The following NCOA2 variants were observed in gnomAD, a reference collection of about 807,000 sequenced individuals.
NCOA2 encodes the protein class E basic helix-loop-helix protein 75.
A neutral mutation model predicts 145.1 loss-of-function variants in NCOA2; 21 were observed. That is an observed-to-expected ratio of 0.14 (90% CI 0.10 to 0.21). The LOEUF (loss-of-function observed/expected upper bound fraction) is 0.21. Among genes scored for constraint, NCOA2 ranks in the 10% least tolerant of loss-of-function variants. The probability of loss-of-function intolerance (pLI) is 1.00; values close to 1 mark genes in which losing one functional copy is unlikely to be tolerated. For missense variants in NCOA2, 1,472 were observed against 1,837.6 expected (o/e 0.80, Z 3.64); for synonymous variants, 619 against 637.5 (o/e 0.97, Z 0.44).
chr8:70,162,675 G>A, intron 9 of NCOA2, 36 bp downstream of exon 9: 2 of 1,581,852 alleles, frequency 1.3e-6, no homozygotes, highest in Non-Finnish European at 1.7e-6. Flanking sequence ...CCCACAGGAA[G>A]CAATAATTTA....
chr8:70,353,064 G>C (rs1809382538), intron 1 of NCOA2, among the ~76,000 whole-genome samples: 1 of 130,066 alleles, frequency 7.7e-6, no homozygotes, highest in African/African-American at 2.6e-5. Flanking sequence ...ATATTAGGTT[G>C]TTAGAGCCAA....
At chr8:70,408,794 AT>A (rs1200870531), upstream of NCOA2, among the ~76,000 whole-genome samples, 441 of 86,948 alleles carry the variant, frequency 5.1e-3, 2 homozygotes, top group Middle Eastern at 0.025. Context: ...TTTTTTTTGG[AT>A]TTTTTTTTTT....
intron 2 of NCOA2, among the ~76,000 whole-genome samples, chr8:70,275,724 CAACACAAAG>C (rs1430486533): frequency 8.5e-5 from 13 of 152,082 alleles, no homozygotes; most frequent in African/African-American, 3.1e-4. Flanking sequence ...ATTAGAACAC[CAACACAAAG>C]AACTAGACTC....
the NCOA2 span, among the ~76,000 whole-genome samples, chr8:70,441,218 AAGG>A: frequency 6.6e-6 from 1 of 150,548 alleles, no homozygotes; most frequent in East Asian, 2.0e-4. Context: ...TGTGGGAGAA[AAGG>A]AAGAAGAAAG....
chr8:70,388,526 G>A (rs2131576330), intron 1 of NCOA2, among the ~76,000 whole-genome samples: 1 of 152,144 alleles, frequency 6.6e-6, no homozygotes, highest in African/African-American at 2.4e-5. Flanking sequence ...TTATTCTAAT[G>A]TATATATTAT....
chr8:70,384,042 C>T (rs1812453475), intron 1 of NCOA2, among the ~76,000 whole-genome samples: 1 of 152,110 alleles, frequency 6.6e-6, no homozygotes, highest in Non-Finnish European at 1.5e-5. Context: ...CATGGGCAAA[C>T]CTCTGTAAAA....
chr8:70,130,265 A>G (rs867701229), intron 16 of NCOA2, among the ~76,000 whole-genome samples: 2 of 152,224 alleles, frequency 1.3e-5, no homozygotes, highest in Non-Finnish European at 2.9e-5. Flanking sequence ...CCTAATAAAC[A>G]TATTTCTATA....
intron 2 of NCOA2, among the ~76,000 whole-genome samples, chr8:70,257,164 C>G (rs569322463): frequency 1.3e-5 from 2 of 152,268 alleles, no homozygotes; most frequent in African/African-American, 4.8e-5. Context: ...TAAACTCACA[C>G]CAGTTGAGTC....
At chr8:70,365,556 T>C (rs927747597) in intron 1 of NCOA2, among the ~76,000 whole-genome samples, 7 of 152,252 alleles carry the variant, frequency 4.6e-5, no homozygotes, top group Admixed American at 1.3e-4. Flanking sequence ...AAGCTTCAAA[T>C]AGACCATAGG....
At chr8:70,436,802 A>T in the NCOA2 span, among the ~76,000 whole-genome samples, 382 of 152,314 alleles carry the variant, frequency 2.5e-3, 2 homozygotes, top group African/African-American at 8.7e-3. Context: ...ACACATAACC[A>T]CTATACAAGG....
chr8:70,322,747 A>G (rs886262197), intron 1 of NCOA2, among the ~76,000 whole-genome samples: 4 of 152,214 alleles, frequency 2.6e-5, no homozygotes, highest in Non-Finnish European at 5.9e-5. Flanking sequence ...TATGTAAAGT[A>G]CCTAGGAAAG....
intron 1 of NCOA2, among the ~76,000 whole-genome samples, chr8:70,376,219 T>C (rs1312939913): frequency 2.6e-5 from 4 of 152,210 alleles, no homozygotes; most frequent in Non-Finnish European, 5.9e-5. Flanking sequence ...ACATTATCAC[T>C]TCCTATTTTA....
At chr8:70,290,245 G>A (rs1207591708) in intron 2 of NCOA2, among the ~76,000 whole-genome samples, 2 of 146,052 alleles carry the variant, frequency 1.4e-5, no homozygotes, top group Admixed American at 1.4e-4. Context: ...AGAGTGCAGT[G>A]GCGCGATTTC....
intron 21 of NCOA2, among the ~76,000 whole-genome samples, chr8:70,123,340 A>T (rs1808039151): frequency 6.6e-6 from 1 of 152,204 alleles, no homozygotes; most frequent in Non-Finnish European, 1.5e-5. Context: ...TTACACTTAG[A>T]AATAAATCCA....
intron 2 of NCOA2, among the ~76,000 whole-genome samples, chr8:70,280,284 C>T (rs1366335802): frequency 6.6e-6 from 1 of 152,126 alleles, no homozygotes; most frequent in African/African-American, 2.4e-5. Flanking sequence ...TCCTAAGACC[C>T]TGGGAAATTG....
chr8:70,184,464 C>G lies in NCOA2; in HGVS notation c.260-9605G>C, dbSNP rs548320350. Among the ~76,000 whole-genome samples, 30 of 152,230 alleles carry G rather than the reference C, an allele frequency of 2.0e-4. No individual in the cohort carries two copies. The South Asian group carries it at 6.2e-3, about 32-fold the overall frequency. On this transcript the variant is annotated intron_variant, in intron 4 of 22. Transcript: ENST00000452400. Reference sequence around the variant, plus strand: ...GCACTTCATCAGGTTTCTTGTCCCTCCCACGCAGAGTGCTGCGAGAAGCCT... The same window carrying G: ...GCACTTCATCAGGTTTCTTGTCCCTGCCACGCAGAGTGCTGCGAGAAGCCT...
chr8:70,145,526 T>C (rs1041076864), intron 12 of NCOA2, among the ~76,000 whole-genome samples: 1 of 152,088 alleles, frequency 6.6e-6, no homozygotes, highest in Admixed American at 6.5e-5. Context: ...TTTCACCATG[T>C]TGGCCAGGAT....
chr8:70,140,939 C>G (rs1207151558), intron 14 of NCOA2, among the ~76,000 whole-genome samples: 1 of 151,916 alleles, frequency 6.6e-6, no homozygotes, highest in African/African-American at 2.4e-5. Flanking sequence ...CATTTCTTCC[C>G]CAAAGTTGAA....
intron 2 of NCOA2, among the ~76,000 whole-genome samples, chr8:70,293,007 C>A (rs1826814173): frequency 6.6e-6 from 1 of 152,128 alleles, no homozygotes; most frequent in Non-Finnish European, 1.5e-5. Flanking sequence ...TGATTCTACT[C>A]TGAACAGTTA....
Sources: allele counts gnomAD v4.1 joint callset (sites outside exome capture counted in the v4.1 genomes callset), GRCh38; gene constraint gnomAD v4.1.1; transcripts MANE v1.5; gene names NCBI Gene and HGNC (gene_info 2026-07-23, HGNC 2026-07-21).